Variants in SNTG1 observed in about 807,000 individuals in gnomAD.
SNTG1 encodes the protein syntrophin gamma 1, also known as gamma-1-syntrophin.
Under a neutral mutation model 74.7 loss-of-function variants are expected in SNTG1, and 39 were observed. The observed-to-expected ratio is 0.52, with a 90% CI of 0.40 to 0.68. SNTG1 has a LOEUF of 0.68. Among genes scored for constraint, SNTG1 ranks in the 30% least tolerant of loss-of-function variants. SNTG1 has a pLI of 0.00. For synonymous variants in SNTG1, 254 were observed against 217.1 expected (o/e 1.17, Z -1.49); for missense variants, 685 against 609.5 (o/e 1.12, Z -1.30).
chr8:50,589,851 A>G (rs2094680476), intron 12 of SNTG1, among the ~76,000 whole-genome samples: 1 of 152,212 alleles, frequency 6.6e-6, no homozygotes, highest in Non-Finnish European at 1.5e-5. Context: ...GAGATTCCTT[A>G]GCAGAGCCAG....
At chr8:50,010,064 T>A (rs1815626980) in intron 1 of SNTG1, among the ~76,000 whole-genome samples, 1 of 152,202 alleles carries the variant, frequency 6.6e-6, no homozygotes, top group Admixed American at 6.6e-5. Flanking sequence ...TCAAGTCTTC[T>A]TAATTAACTT....
intron 1 of SNTG1, among the ~76,000 whole-genome samples, chr8:49,965,530 G>C (rs1345883811): frequency 6.6e-6 from 1 of 152,182 alleles, no homozygotes; most frequent in Non-Finnish European, 1.5e-5. Flanking sequence ...GGAAGCTCAA[G>C]AGAATCCTGC....
chr8:50,303,088 G>A (rs2089722856), intron 2 of SNTG1, among the ~76,000 whole-genome samples: 1 of 152,030 alleles, frequency 6.6e-6, no homozygotes, highest in Non-Finnish European at 1.5e-5. Context: ...TATATAGTAA[G>A]CACATAAACA....
chr8:50,351,086 C>T (rs142390766), intron 2 of SNTG1, among the ~76,000 whole-genome samples: 95 of 152,320 alleles, frequency 6.2e-4, no homozygotes, highest in African/African-American at 2.1e-3. Context: ...ACCAAGAACC[C>T]ACCAATTCCG....
At chr8:50,289,825 A>G (rs865904259) in intron 2 of SNTG1, among the ~76,000 whole-genome samples, 11 of 152,150 alleles carry the variant, frequency 7.2e-5, no homozygotes, top group African/African-American at 2.7e-4. Flanking sequence ...TACCAGGAAA[A>G]ACTGCAGAGT....
rs1341171981 is a variant in SNTG1, at chr8:50,656,985, C to T, written c.926C>T (p.Ala309Val). 2 of 1,588,058 alleles carry T rather than the reference C, an allele frequency of 1.3e-6. No homozygotes were observed. The highest frequency in any genetic ancestry group is 1.2e-5 in the South Asian group (1 of 86,290). ...QDRVYSPTFL[A>V]LRGSCLYKFL... ...AGAGTGTACTCCCCGACCTTCCTGG[C>T]CCTGAGGGGCTCATGTCTCTACAAG... The change falls in exon 14 of 19, where the codon GCC becomes GTC. Residue 309 changes from alanine to valine, a missense_variant. Transcript: ENST00000642720.
At chr8:49,953,171 AT>A (rs991714395) in intron 1 of SNTG1, among the ~76,000 whole-genome samples, 4 of 152,242 alleles carry the variant, frequency 2.6e-5, no homozygotes, top group Admixed American at 2.6e-4. Context: ...GAACTCCAAC[AT>A]TTAGAAGAAC....
chr8:50,653,197 A>G (rs2095159162), intron 13 of SNTG1, among the ~76,000 whole-genome samples: 1 of 152,064 alleles, frequency 6.6e-6, no homozygotes, highest in South Asian at 2.1e-4. Flanking sequence ...CAATCCCAGC[A>G]CTTTAAAAGT....
chr8:50,724,414 T>G (rs2095495114), intron 17 of SNTG1, among the ~76,000 whole-genome samples: 1 of 152,302 alleles, frequency 6.6e-6, no homozygotes, highest in South Asian at 2.1e-4. Context: ...GCCATGCAAT[T>G]TGCTGCCCAA....
chr8:50,158,158 G>T lies in SNTG1; in HGVS notation c.-102-14403G>T, dbSNP rs546550142. On this transcript the variant is annotated intron_variant, in intron 1 of 18. Transcript: ENST00000642720. The stretch of plus-strand genomic sequence containing the variant: ...CATTTCTTCTACTAAGCAGTAAAGG[G>T]TTCTCTTCCCATTATCAGGTTCAGA... Among the ~76,000 whole-genome samples, 71 of 152,154 alleles carry T rather than the reference G, an allele frequency of 4.7e-4. 1 individual carries two copies. In the South Asian group the frequency reaches 0.014, roughly 29 times the overall value.
At chr8:49,938,597 C>CTTTTT (rs755805948) in intron 1 of SNTG1, among the ~76,000 whole-genome samples, 3 of 32,512 alleles carry the variant, frequency 9.2e-5, no homozygotes, top group African/African-American at 1.2e-4. Context: ...CTTTTCTTTT[C>CTTTTT]TTTTCTTTTC....
intron 1 of SNTG1, among the ~76,000 whole-genome samples, chr8:49,980,982 G>C (rs1812627447): frequency 1.3e-5 from 2 of 152,122 alleles, no homozygotes; most frequent in Non-Finnish European, 2.9e-5. Context: ...TTCTCTGTAA[G>C]TGCCCTTCTG....
chr8:50,380,334 T>G (rs900547722), intron 2 of SNTG1, among the ~76,000 whole-genome samples: 2 of 152,164 alleles, frequency 1.3e-5, no homozygotes, highest in Non-Finnish European at 2.9e-5. Context: ...AGGCATAACC[T>G]GAAGATGTGA....
At chr8:50,524,289 C>G (rs2094203145) in intron 9 of SNTG1, among the ~76,000 whole-genome samples, 1 of 152,012 alleles carries the variant, frequency 6.6e-6, no homozygotes, top group Non-Finnish European at 1.5e-5. Context: ...GTTAGTGTCT[C>G]TGTTGGGGAA....
intron 1 of SNTG1, among the ~76,000 whole-genome samples, chr8:49,915,319 G>A (rs1238897846): frequency 6.6e-6 from 1 of 152,062 alleles, no homozygotes; most frequent in Non-Finnish European, 1.5e-5. Context: ...TTATATCTGT[G>A]AGTTATTATA....
chr8:50,095,476 G>C (rs1000961798), intron 1 of SNTG1, among the ~76,000 whole-genome samples: 1 of 152,124 alleles, frequency 6.6e-6, no homozygotes, highest in Non-Finnish European at 1.5e-5. Flanking sequence ...GGCCTATTGA[G>C]GAAAAGGTAA....
chr8:49,924,441 C>T (rs560474990), intron 1 of SNTG1, among the ~76,000 whole-genome samples: 2 of 152,200 alleles, frequency 1.3e-5, no homozygotes, highest in African/African-American at 4.8e-5. Flanking sequence ...ACTATGCCAC[C>T]TCAGTATGCA....
At chr8:50,783,623 G>C (rs2095666485) in intron 18 of SNTG1, among the ~76,000 whole-genome samples, 1 of 152,192 alleles carries the variant, frequency 6.6e-6, no homozygotes, top group African/African-American at 2.4e-5. Flanking sequence ...GACTAGGAAA[G>C]GGAACTCCCT....
At chr8:50,533,137 A>C (rs2094282404) in intron 10 of SNTG1, among the ~76,000 whole-genome samples, 1 of 152,222 alleles carries the variant, frequency 6.6e-6, no homozygotes, top group Non-Finnish European at 1.5e-5. Context: ...CTTGGCTCTT[A>C]AGCCCCAGCC....
Sources: gnomAD v4.1 joint callset for allele counts (sites outside exome capture counted in the v4.1 genomes callset) on GRCh38, gnomAD v4.1.1 for gene constraint, MANE v1.5 for transcripts, NCBI Gene and HGNC (gene_info 2026-07-23, HGNC 2026-07-21) for gene names.